The following NEDD4L variants were observed in gnomAD, a reference collection of about 807,000 sequenced individuals.
The protein encoded by NEDD4L is E3 ubiquitin-protein ligase NEDD4-like.
A neutral mutation model predicts 148.9 loss-of-function variants in NEDD4L; 54 were observed. The observed-to-expected ratio is 0.36, with a 90% CI of 0.29 to 0.45. The LOEUF (loss-of-function observed/expected upper bound fraction) is 0.45, where lower values mean the gene tolerates loss of function less well. Ranked by LOEUF, NEDD4L falls within the 20% of genes least tolerant of loss-of-function variation. NEDD4L has a pLI of 1.00. For synonymous variants in NEDD4L, 433 were observed against 440.7 expected (o/e 0.98, Z 0.22); for missense variants, 856 against 1,233.8 (o/e 0.69, Z 4.59).
intron 18 of NEDD4L, among the ~76,000 whole-genome samples, chr18:58,354,443 TAA>T (rs767179585): frequency 6.5e-5 from 9 of 139,230 alleles, no homozygotes; most frequent in Non-Finnish European, 9.4e-5. Context: ...CAAAGTTCTT[TAA>T]AAAAAAAAAA....
intron 1 of NEDD4L, among the ~76,000 whole-genome samples, chr18:58,067,524 T>TG (rs1308318656): frequency 1.6e-4 from 24 of 152,076 alleles, no homozygotes; most frequent in Non-Finnish European, 2.5e-4. Context: ...GGAGGTGGTG[T>TG]GGGGGGCCTG....
chr18:58,291,455 G>A (rs965211821), intron 5 of NEDD4L, among the ~76,000 whole-genome samples: 4 of 152,206 alleles, frequency 2.6e-5, no homozygotes, highest in South Asian at 2.1e-4. Flanking sequence ...AGAGTGTAGT[G>A]CAATGAATCT....
intron 1 of NEDD4L, among the ~76,000 whole-genome samples, chr18:58,061,005 C>T (rs772436797): frequency 4.6e-5 from 7 of 152,230 alleles, no homozygotes; most frequent in Non-Finnish European, 8.8e-5. Flanking sequence ...AGTGATGTAC[C>T]GGTCTCGGCC....
At chr18:58,185,227 C>T (rs1271764941) in intron 2 of NEDD4L, among the ~76,000 whole-genome samples, 1 of 152,164 alleles carries the variant, frequency 6.6e-6, no homozygotes, top group Non-Finnish European at 1.5e-5. Context: ...TTACCCCAGA[C>T]TGTAGCTCAC....
chr18:58,291,354 G>A (rs2054736103), intron 5 of NEDD4L, among the ~76,000 whole-genome samples: 1 of 152,358 alleles, frequency 6.6e-6, no homozygotes. Flanking sequence ...TGACCACAAG[G>A]ATGCTGGAAA....
At chr18:58,149,443 C>T in intron 1 of NEDD4L, 1 of 1,531,200 alleles carries the variant, frequency 6.5e-7, no homozygotes, top group Admixed American at 2.0e-5. Flanking sequence ...TGGCTGCAGC[C>T]ACGACTTCCG....
intron 2 of NEDD4L, among the ~76,000 whole-genome samples, chr18:58,205,143 G>A (rs943427872): frequency 6.6e-6 from 1 of 152,200 alleles, no homozygotes; most frequent in East Asian, 1.9e-4. Flanking sequence ...TCTTTATTAT[G>A]TCCTATTTGT....
intron 1 of NEDD4L, among the ~76,000 whole-genome samples, chr18:58,156,744 CTCA>C (rs1169549227): frequency 1.4e-4 from 22 of 152,146 alleles, no homozygotes; most frequent in Non-Finnish European, 2.6e-4. Flanking sequence ...CTTAATACGA[CTCA>C]TCTGCTCTCC....
intron 5 of NEDD4L, among the ~76,000 whole-genome samples, chr18:58,265,592 T>C (rs1464047570): frequency 6.6e-6 from 1 of 152,016 alleles, no homozygotes; most frequent in East Asian, 1.9e-4. Context: ...GGAGACAGGG[T>C]CTTGCTCTGT....
Position 58,316,016 on chromosome 18 carries a change from C to A in NEDD4L, c.332C>A (p.Pro111His). 6.2e-7 allele frequency: 1 copy of A among 1,613,482 alleles called. No homozygotes were observed. The highest frequency in any genetic ancestry group is 8.5e-7 in the Non-Finnish European group (1 of 1,179,446). ...RDDFLGQVDV[P>H]LSHLPTEDPT... The stretch of plus-strand genomic sequence containing the variant: ...GACTTCCTGGGCCAGGTGGACGTGC[C>A]CCTTAGTCACCTTCCGGTAAGGACA... The change falls in exon 6 of 31, where the codon CCC becomes CAC. Residue 111 changes from proline (P) to histidine (H), a missense_variant. By Grantham distance (77) the Pro-to-His change is moderately conservative (BLOSUM62 -2). This residue lies in a region of NEDD4L where 193 missense variants were observed against 244.2 expected (regional missense o/e 0.79). Transcript: ENST00000400345.
At chr18:58,077,160 CTTTTTTTTTT>C (rs60248050) in intron 1 of NEDD4L, among the ~76,000 whole-genome samples, 8 of 48,918 alleles carry the variant, frequency 1.6e-4, no homozygotes, top group African/African-American at 3.9e-4. Context: ...CTCATAACGG[CTTTTTTTTTT>C]TTTTTTTTTT....
At chr18:58,059,162 C>T (rs1205875461) in intron 1 of NEDD4L, among the ~76,000 whole-genome samples, 3 of 152,252 alleles carry the variant, frequency 2.0e-5, no homozygotes, top group Middle Eastern at 6.8e-3. Context: ...CTCCTGGGCT[C>T]AGCGGTTTCT....
At chr18:58,190,773 T>TTACCTTTTACCTCCATTATTTA (rs1485557180) in intron 2 of NEDD4L, among the ~76,000 whole-genome samples, 1 of 152,222 alleles carries the variant, frequency 6.6e-6, no homozygotes, top group Non-Finnish European at 1.5e-5. Context: ...ACTTCTTAGC[T>TTACCTTTTACCTCCATTATTTA]TACCTTTTAC....
intron 1 of NEDD4L, among the ~76,000 whole-genome samples, chr18:58,152,164 A>C (rs2034860585): frequency 6.6e-6 from 1 of 152,182 alleles, no homozygotes; most frequent in Admixed American, 6.5e-5. Context: ...AACACCCTGT[A>C]CTGTCGCAAC....
intron 16 of NEDD4L, among the ~76,000 whole-genome samples, chr18:58,346,594 G>T (rs1359433293): frequency 6.6e-6 from 1 of 152,096 alleles, no homozygotes. Context: ...AAAAGATAAA[G>T]AAAAAAGGCA....
intron 1 of NEDD4L, among the ~76,000 whole-genome samples, chr18:58,109,215 G>A (rs2085262473): frequency 6.6e-6 from 1 of 152,212 alleles, no homozygotes; most frequent in Non-Finnish European, 1.5e-5. Context: ...AAGCCCAGGA[G>A]GGCGTGATAA....
At chr18:58,309,801 C>G (rs1391852972) in intron 5 of NEDD4L, among the ~76,000 whole-genome samples, 1 of 152,100 alleles carries the variant, frequency 6.6e-6, no homozygotes, top group Non-Finnish European at 1.5e-5. Context: ...TGAACCACTT[C>G]CACCCAACCA....
At chr18:58,129,922 T>C (rs373642293) in intron 1 of NEDD4L, among the ~76,000 whole-genome samples, 77 of 149,796 alleles carry the variant, frequency 5.1e-4, no homozygotes, top group African/African-American at 1.8e-3. Flanking sequence ...GGTTGTGATC[T>C]AGTGGAACTG....
chr18:58,238,104 C>T (rs1041229484), intron 2 of NEDD4L, among the ~76,000 whole-genome samples: 2 of 152,176 alleles, frequency 1.3e-5, no homozygotes, highest in African/African-American at 4.8e-5. Context: ...TGTAATCTAA[C>T]CCATTAATCT....
Sources: gnomAD v4.1 joint callset for allele counts (sites outside exome capture counted in the v4.1 genomes callset) on GRCh38, gnomAD v4.1.1 for gene constraint, gnomAD v4.1.1 regional missense constraint, MANE v1.5 for transcripts, NCBI Gene and HGNC (gene_info 2026-07-23, HGNC 2026-07-21) for gene names.